SENP7: variants seen among roughly 807,000 people sequenced by gnomAD.
SENP7 encodes the protein sentrin-specific protease 7.
SENP7 carries 64 observed loss-of-function variants against 141.2 expected under a neutral mutation model. The ratio of observed to expected loss-of-function variants is 0.45; its 90% CI spans 0.37 to 0.56. The LOEUF is 0.56. SENP7 is among the 20% of genes least tolerant of loss of function. The probability of loss-of-function intolerance (pLI) is 0.00; values close to 1 mark genes in which losing one functional copy is unlikely to be tolerated. For missense variants in SENP7, 1,025 were observed against 1,212.2 expected, an observed-to-expected ratio of 0.85 and a Z score of 2.29; for synonymous variants, 382 against 426.4, an observed-to-expected ratio of 0.90 and a Z score of 1.28.
At chr3:101,484,740 C>G (rs1299680154) in intron 3 of SENP7, among the ~76,000 whole-genome samples, 1 of 152,148 alleles carries the variant, frequency 6.6e-6, no homozygotes, top group Non-Finnish European at 1.5e-5. Flanking sequence ...CTCGCTGCGT[C>G]CCCTAGCAAG....
intron 4 of SENP7, among the ~76,000 whole-genome samples, chr3:101,448,748 A>G (rs562418830): frequency 6.6e-6 from 1 of 152,292 alleles, no homozygotes; most frequent in African/African-American, 2.4e-5. Context: ...TCAAAGACCA[A>G]AGGTAGAAAA....
chr3:101,338,763 T>C (rs2059254036), intron 16 of SENP7, among the ~76,000 whole-genome samples: 1 of 152,170 alleles, frequency 6.6e-6, no homozygotes, highest in African/African-American at 2.4e-5. Context: ...CCTGTTCCTA[T>C]CAGCCAAATT....
chr3:101,453,876 TAA>T (rs78413840), intron 4 of SENP7, among the ~76,000 whole-genome samples: 2 of 145,634 alleles, frequency 1.4e-5, no homozygotes, highest in African/African-American at 5.0e-5. Flanking sequence ...TTTAAAAAAT[TAA>T]AAAAAAAAAA....
At chr3:101,428,942 T>C (rs1337405485) in intron 4 of SENP7, among the ~76,000 whole-genome samples, 1 of 152,240 alleles carries the variant, frequency 6.6e-6, no homozygotes, top group Non-Finnish European at 1.5e-5. Flanking sequence ...ATTTATTAAA[T>C]AGGGAATCCT....
At chr3:101,423,643 T>C (rs894831540) in intron 4 of SENP7, among the ~76,000 whole-genome samples, 2 of 151,982 alleles carry the variant, frequency 1.3e-5, no homozygotes, top group Non-Finnish European at 2.9e-5. Flanking sequence ...ACCAAGACGA[T>C]GGGTGCACTC....
chr3:101,512,978 C>T, intron 1 of SENP7, 113 bp downstream of exon 1: 3 of 1,227,492 alleles, frequency 2.4e-6, no homozygotes, highest in Non-Finnish European at 3.6e-6. Context: ...TTCCTCTCCC[C>T]GCCCCCGCCC....
At chr3:101,351,568 T>C (rs1345425208) in intron 12 of SENP7, 50 bp downstream of exon 12, 9 of 1,267,928 alleles carry the variant, frequency 7.1e-6, no homozygotes, top group Admixed American at 2.9e-5. Context: ...CTTAAATTTA[T>C]ACTAAAAACT....
chr3:101,385,762 A>G (rs978104938), intron 6 of SENP7, among the ~76,000 whole-genome samples: 1 of 152,046 alleles, frequency 6.6e-6, no homozygotes, highest in Non-Finnish European at 1.5e-5. Context: ...TCTACCAAGG[A>G]TCATTACCAG....
chr3:101,438,019 G>A (rs562666988), intron 4 of SENP7, among the ~76,000 whole-genome samples: 9 of 151,494 alleles, frequency 5.9e-5, no homozygotes, highest in Non-Finnish European at 1.0e-4. Context: ...AATGAGGTAC[G>A]GCCATTGCAG....
At chr3:101,413,523 C>A (rs1250697420) in intron 5 of SENP7, among the ~76,000 whole-genome samples, 2 of 152,070 alleles carry the variant, frequency 1.3e-5, no homozygotes, top group East Asian at 3.9e-4. Flanking sequence ...TAATAAGTGT[C>A]CAGTACTATA....
chr3:101,512,755 T>C (rs1425589486), intron 1 of SENP7, among the ~76,000 whole-genome samples: 5 of 151,994 alleles, frequency 3.3e-5, no homozygotes, highest in South Asian at 2.1e-4. Context: ...AATTGGAACA[T>C]TGGTGGAATT....
chr3:101,383,858 C>T (rs1299561850), intron 6 of SENP7, among the ~76,000 whole-genome samples: 1 of 152,198 alleles, frequency 6.6e-6, no homozygotes, highest in Non-Finnish European at 1.5e-5. Context: ...GGGAGTGTCC[C>T]CAGTGAAGCC....
At chr3:101,353,270 C>T (rs181516883) in intron 11 of SENP7, among the ~76,000 whole-genome samples, 4 of 152,008 alleles carry the variant, frequency 2.6e-5, no homozygotes, top group South Asian at 2.1e-4. Context: ...TAAACAGAAG[C>T]GGTGTTTGCC....
chr3:101,449,071 C>T (rs1008094105), intron 4 of SENP7, among the ~76,000 whole-genome samples: 37 of 152,010 alleles, frequency 2.4e-4, no homozygotes, highest in African/African-American at 7.7e-4. Context: ...GAGAAGTACG[C>T]GGCAAATGCA....
chr3:101,339,381 T>C (rs996184697), intron 16 of SENP7, among the ~76,000 whole-genome samples: 2 of 152,182 alleles, frequency 1.3e-5, no homozygotes, highest in Non-Finnish European at 2.9e-5. Flanking sequence ...TGCATAAAGT[T>C]TTAAATGTTT....
chr3:101,473,083 G>A (rs2064072508), intron 3 of SENP7, among the ~76,000 whole-genome samples: 1 of 151,270 alleles, frequency 6.6e-6, no homozygotes, highest in Non-Finnish European at 1.5e-5. Context: ...CAACAGACAT[G>A]ATCTCATTTT....
chr3:101,510,692 A>G (rs2065815985), intron 1 of SENP7, among the ~76,000 whole-genome samples: 1 of 151,988 alleles, frequency 6.6e-6, no homozygotes, highest in Admixed American at 6.6e-5. Context: ...ATCTTTACTA[A>G]AAGTACAAAA....
At chr3:101,433,933 G>A (rs949798660) in intron 4 of SENP7, among the ~76,000 whole-genome samples, 2 of 151,696 alleles carry the variant, frequency 1.3e-5, no homozygotes, top group Admixed American at 6.6e-5. Flanking sequence ...TAGACCAAAT[G>A]GATCTAATAC....
intron 4 of SENP7, among the ~76,000 whole-genome samples, chr3:101,419,771 G>T (rs1396607571): frequency 6.6e-6 from 1 of 152,174 alleles, no homozygotes; most frequent in Admixed American, 6.5e-5. Context: ...AGTTTCCCAA[G>T]AAATTGCATT....
Sources: gnomAD v4.1 joint callset for allele counts (sites outside exome capture counted in the v4.1 genomes callset) on GRCh38, gnomAD v4.1.1 for gene constraint, MANE v1.5 for transcripts, NCBI Gene and HGNC (gene_info 2026-07-23, HGNC 2026-07-21) for gene names.